SFMBT1: variants seen among roughly 807,000 people sequenced by gnomAD.
SFMBT1 encodes the protein scm-like with four MBT domains protein 1.
A neutral mutation model predicts 108.7 loss-of-function variants in SFMBT1; 32 were observed. The ratio of observed to expected loss-of-function variants is 0.29; its 90% CI spans 0.22 to 0.40. SFMBT1 has a LOEUF of 0.40. Ranked by LOEUF, SFMBT1 falls within the 10% of genes least tolerant of loss-of-function variation. The pLI is 1.00. For missense variants in SFMBT1, 816 were observed against 1,059.6 expected (o/e 0.77, Z 3.19); for synonymous variants, 348 against 369.5 (o/e 0.94, Z 0.67).
chr3:53,021,672 A>AG (rs1699310923), intron 1 of SFMBT1, among the ~76,000 whole-genome samples: 1 of 152,176 alleles, frequency 6.6e-6, no homozygotes, highest in Non-Finnish European at 1.5e-5. Context: ...ACAAGGAAGC[A>AG]GGAGTCCCCT....
At chr3:53,020,458 C>T (rs751679626) in intron 1 of SFMBT1, among the ~76,000 whole-genome samples, 1 of 152,094 alleles carries the variant, frequency 6.6e-6, no homozygotes, top group African/African-American at 2.4e-5. Flanking sequence ...ACTTTTCACT[C>T]TATTGAACAC....
chr3:52,995,898 C>G (rs1698310197), intron 1 of SFMBT1, among the ~76,000 whole-genome samples: 1 of 148,974 alleles, frequency 6.7e-6, no homozygotes, highest in South Asian at 2.1e-4. Flanking sequence ...ATGGTGAAAC[C>G]CCGTCTCTAC....
chr3:53,033,359 C>G (rs1575451734), intron 1 of SFMBT1, among the ~76,000 whole-genome samples: 1 of 152,028 alleles, frequency 6.6e-6, no homozygotes, highest in East Asian at 1.9e-4. Flanking sequence ...CGGGGTTTCA[C>G]CATGTTGGCC....
rs1298156205 is a variant in SFMBT1, at chr3:52,988,559, T to C, written c.-130-19301A>G. 2.2e-4 allele frequency among the ~76,000 whole-genome samples: 33 copies of C among 152,174 alleles called. 1 individual carries two copies. The highest frequency in any genetic ancestry group is 2.2e-3 in the Admixed American group (33 of 15,274). On this transcript the variant is annotated intron_variant, in intron 1 of 20. Transcript: ENST00000394752. ...ATACCTAAGAGGCATGCTGAACATT[T>C]AACAACAATGATACTAGGAACAAGT...
In SFMBT1 at chr3:52,998,628, C is replaced by T. The variant is rs566403224; in HGVS notation, c.-130-29370G>A. ...GCAGCCATGGCTAAGAAAGCGCCAG[C>T]GCCCACCCACCTGGGCCAATGGACT... On this transcript the variant is annotated intron_variant, in intron 1 of 20. Transcript: ENST00000394752. Among the ~76,000 whole-genome samples, 57 of 150,302 alleles carry T rather than the reference C, an allele frequency of 3.8e-4. 2 individuals carry two copies. Among genetic ancestry groups the T allele is most frequent in the African/African-American group, 1.2e-3 (51 of 41,384 alleles).
intron 1 of SFMBT1, among the ~76,000 whole-genome samples, chr3:52,976,880 C>T (rs1033115583): frequency 6.6e-6 from 1 of 151,940 alleles, no homozygotes. Context: ...TATTTTTCAC[C>T]CAGATTGGCA....
rs1305906507 is a variant in SFMBT1, at chr3:52,935,485, C to T, written c.365-584G>A. Among the ~76,000 whole-genome samples the T allele has an allele frequency of 2.0e-5, 3 of 152,172 alleles. No individual in the cohort carries two copies. In the East Asian group the frequency reaches 5.8e-4, roughly 29 times the overall value. On this transcript the variant is annotated intron_variant, in intron 4 of 20. Transcript: ENST00000394752. ...AGCCTAAAATATTTACTATCTTGCCCTTTACAGATAATTTGCCAATGCCTG... is the reference window on the plus strand; with the variant it reads ...AGCCTAAAATATTTACTATCTTGCCTTTTACAGATAATTTGCCAATGCCTG...
At chr3:52,972,578 TATC>T (rs1704380406) in intron 1 of SFMBT1, among the ~76,000 whole-genome samples, 1 of 152,136 alleles carries the variant, frequency 6.6e-6, no homozygotes, top group South Asian at 2.1e-4. Flanking sequence ...ATTTTGGTAT[TATC>T]ACCCTCTTGT....
At chr3:52,908,344 T>C (rs956639795) in intron 17 of SFMBT1, among the ~76,000 whole-genome samples, 5 of 151,888 alleles carry the variant, frequency 3.3e-5, no homozygotes, top group African/African-American at 1.2e-4. Context: ...AGTGCTGGGA[T>C]TACAGGCATG....
At chr3:53,013,212 T>C (rs1001556457) in intron 1 of SFMBT1, among the ~76,000 whole-genome samples, 1 of 151,724 alleles carries the variant, frequency 6.6e-6, no homozygotes, top group African/African-American at 2.4e-5. Flanking sequence ...GTTGAGATAG[T>C]ACAATTCATT....
chr3:53,014,306 T>C (rs1699051672), intron 1 of SFMBT1, among the ~76,000 whole-genome samples: 1 of 152,152 alleles, frequency 6.6e-6, no homozygotes. Context: ...TTGAGATCAC[T>C]TCTTAGAAAG....
chr3:53,027,669 C>A (rs749480886), intron 1 of SFMBT1, among the ~76,000 whole-genome samples: 3 of 152,176 alleles, frequency 2.0e-5, no homozygotes, highest in Non-Finnish European at 4.4e-5. Flanking sequence ...TGCACATGGG[C>A]CAATCAGGCT....
chr3:52,905,750 G>C (rs1206710670), intron 20 of SFMBT1, among the ~76,000 whole-genome samples: 2 of 152,168 alleles, frequency 1.3e-5, no homozygotes, highest in African/African-American at 4.8e-5. Flanking sequence ...CTGTGTTTCA[G>C]CAAGCTTGCC....
chr3:52,907,690 T>G lies in SFMBT1; in HGVS notation c.1950A>C (p.Pro650=), dbSNP rs764753707. The G allele has an allele frequency of 6.2e-7, 1 of 1,613,460 alleles. No homozygotes were observed. The highest frequency in any genetic ancestry group is 8.5e-7 in the Non-Finnish European group (1 of 1,179,892). The change falls in exon 18 of 21, where the codon CCA becomes CCC. Residue 650 remains proline (P), a synonymous_variant. Transcript: ENST00000394752. ...GKKKNKRIGR[P]PGGHSNLACA... is the part of the protein sequence containing the mutation. Reference sequence around the variant, plus strand: ...AAGCTAAGTTACTATGCCCACCAGGTGGCCTCCCAATTCTTTTATTTTTCT... The same window carrying G: ...AAGCTAAGTTACTATGCCCACCAGGGGGCCTCCCAATTCTTTTATTTTTCT...
intron 2 of SFMBT1, among the ~76,000 whole-genome samples, chr3:52,966,148 T>C (rs1704134535): frequency 7.1e-6 from 1 of 141,402 alleles, no homozygotes; most frequent in African/African-American, 2.7e-5. Flanking sequence ...AAACCCCGTC[T>C]CTACTAAAAA....
chr3:53,041,270 T>C (rs1318396972), intron 1 of SFMBT1, among the ~76,000 whole-genome samples: 1 of 152,154 alleles, frequency 6.6e-6, no homozygotes, highest in Non-Finnish European at 1.5e-5. Flanking sequence ...AGGTTTACAA[T>C]CAAATCATTA....
At chr3:52,976,921 T>C (rs1704538615) in intron 1 of SFMBT1, among the ~76,000 whole-genome samples, 1 of 152,210 alleles carries the variant, frequency 6.6e-6, no homozygotes, top group African/African-American at 2.4e-5. Flanking sequence ...CTGAATATAG[T>C]TGAAGACATG....
At chr3:52,937,763 C>T (rs1002957977) in intron 4 of SFMBT1, among the ~76,000 whole-genome samples, 5 of 151,704 alleles carry the variant, frequency 3.3e-5, no homozygotes, top group African/African-American at 4.8e-5. Flanking sequence ...TTGTATTTTT[C>T]GTAGAGATGG....
At chr3:52,918,280 A>G (rs550071668) in intron 13 of SFMBT1, among the ~76,000 whole-genome samples, 8 of 152,308 alleles carry the variant, frequency 5.3e-5, no homozygotes, top group Middle Eastern at 3.4e-3. Context: ...CAATTTAGAC[A>G]CCATCTTGAG....
Sources: gnomAD v4.1 joint callset for allele counts (sites outside exome capture counted in the v4.1 genomes callset) on GRCh38, gnomAD v4.1.1 for gene constraint, MANE v1.5 for transcripts, NCBI Gene and HGNC (gene_info 2026-07-23, HGNC 2026-07-21) for gene names.